Variants in RPRD2 observed in about 807,000 individuals in gnomAD.
RPRD2 encodes the protein regulation of nuclear pre-mRNA domain-containing protein 2.
In RPRD2, 12 loss-of-function variants were observed where a neutral mutation model predicts 104.4. That is an observed-to-expected ratio of 0.11 (90% CI 0.07 to 0.19). The LOEUF (loss-of-function observed/expected upper bound fraction) is 0.19, where lower values mean the gene tolerates loss of function less well. RPRD2 is among the 10% of genes least tolerant of loss of function. The pLI is 1.00. For missense variants in RPRD2, 1,543 were observed against 1,790.1 expected (o/e 0.86, Z 2.49); for synonymous variants, 714 against 684.9 (o/e 1.04, Z -0.66).
At chr1:150,385,073 G>A (rs1333731378) in intron 1 of RPRD2, among the ~76,000 whole-genome samples, 2 of 152,062 alleles carry the variant, frequency 1.3e-5, no homozygotes, top group Non-Finnish European at 2.9e-5. Context: ...AATAAATGGT[G>A]ATTGTAACAC....
intron 2 of RPRD2, among the ~76,000 whole-genome samples, chr1:150,437,054 G>T (rs998516854): frequency 6.7e-6 from 1 of 149,246 alleles, no homozygotes; most frequent in Non-Finnish European, 1.5e-5. Flanking sequence ...ATTAAAAAAA[G>T]AAAGAAAGAC....
chr1:150,473,513 T>A lies in RPRD2; in HGVS notation c.*179T>A. On this transcript the variant is annotated 3_prime_UTR_variant, in exon 11 of 11. Transcript: ENST00000369068. ...TACGTTTTACTATTCAATTCAATCC[T>A]CCCTCCCATTGCACTTATCTACCTT... is the stretch of plus-strand genomic sequence containing the variant. 1 of 207,366 alleles carries A rather than the reference T, an allele frequency of 4.8e-6. No individual in the cohort carries two copies. Among genetic ancestry groups the A allele is most frequent in the Admixed American group, 6.9e-5 (1 of 14,506 alleles). The allele number at this position is 207,366 out of a possible 1,614,324, so 12.8% of individuals were successfully genotyped here. A position where few individuals can be genotyped will look rare whatever the true frequency, so the allele number is the denominator to read the frequency against.
rs1553898559 is a variant in RPRD2 at position 150,460,256 on chromosome 1, T to C, written c.1350T>C (p.Asn450=). ...CATTGGCTTTGCCAAACCTGGCTAA[T>C]GTGGATCTGGCAAAGATCAGTTCCA... ...SPALALPNLA[N]VDLAKISSIL... The change falls in exon 9 of 11, where the codon AAT becomes AAC. Residue 450 remains asparagine (N), a synonymous_variant. Coordinates refer to ENST00000369068, the MANE Select transcript of RPRD2 (RefSeq NM_015203.5). The C allele has an allele frequency of 6.2e-7, 1 of 1,613,306 alleles. No homozygotes were observed. The highest frequency in any genetic ancestry group is 8.5e-7 in the Non-Finnish European group (1 of 1,179,656).
chr1:150,433,653 C>T (rs1665773454), intron 2 of RPRD2, among the ~76,000 whole-genome samples: 1 of 148,574 alleles, frequency 6.7e-6, no homozygotes, highest in Non-Finnish European at 1.5e-5. Context: ...ACAGTGTTAG[C>T]CAGGATGGTC....
At chr1:150,431,486 T>TGTTTGTTTGTTTTTTTG (rs1553891718) in intron 2 of RPRD2, among the ~76,000 whole-genome samples, 3 of 143,142 alleles carry the variant, frequency 2.1e-5, no homozygotes, top group African/African-American at 7.7e-5. Flanking sequence ...TTTTTTTTTT[T>TGTTTGTTTGTTTTTTTG]TTTTTTTTTT....
intron 1 of RPRD2, among the ~76,000 whole-genome samples, chr1:150,414,756 T>C (rs1664212314): frequency 6.6e-6 from 1 of 152,152 alleles, no homozygotes. Context: ...ATAAATGAGA[T>C]AACAATTTAT....
chr1:150,401,050 C>T (rs1347473193), intron 1 of RPRD2, among the ~76,000 whole-genome samples: 2 of 151,972 alleles, frequency 1.3e-5, no homozygotes, highest in African/African-American at 2.4e-5. Context: ...GTGGCGGGCA[C>T]CTGTAGTCAC....
chr1:150,390,424 G>A (rs1661977068), intron 1 of RPRD2, among the ~76,000 whole-genome samples: 1 of 152,112 alleles, frequency 6.6e-6, no homozygotes, highest in South Asian at 2.1e-4. Context: ...GCTTGAATCT[G>A]GGAGGCAGAA....
chr1:150,382,775 A>C (rs1423813220), intron 1 of RPRD2, among the ~76,000 whole-genome samples: 2 of 152,206 alleles, frequency 1.3e-5, no homozygotes, highest in Non-Finnish European at 2.9e-5. Context: ...GTTTGAGGCC[A>C]CAGTGCACCC....
chr1:150,442,982 A>G (rs1230915000), intron 4 of RPRD2, among the ~76,000 whole-genome samples: 31 of 152,262 alleles, frequency 2.0e-4, no homozygotes, highest in African/African-American at 6.5e-4. Context: ...CAATAATTCT[A>G]GGACTTTATG....
At chr1:150,433,474 T>G (rs1665752539) in intron 2 of RPRD2, among the ~76,000 whole-genome samples, 1 of 122,826 alleles carries the variant, frequency 8.1e-6, no homozygotes, top group African/African-American at 3.2e-5. Context: ...AGACGGAGTC[T>G]CGCTCTGTCA....
intron 7 of RPRD2, 139 bp from the exon 8 acceptor site, chr1:150,457,149 A>C (rs1667588887): frequency 1.1e-5 from 8 of 710,704 alleles, no homozygotes; most frequent in Non-Finnish European, 4.6e-6. Flanking sequence ...ACTTCAACCC[A>C]GGAGGCAGAG....
chr1:150,458,463 A>G (rs1472599353), intron 8 of RPRD2, among the ~76,000 whole-genome samples: 1 of 152,026 alleles, frequency 6.6e-6, no homozygotes, highest in East Asian at 1.9e-4. Context: ...CCAAAAAAAA[A>G]AAACCAGACA....
chr1:150,378,607 A>C (rs1660891545), intron 1 of RPRD2, among the ~76,000 whole-genome samples: 1 of 152,178 alleles, frequency 6.6e-6, no homozygotes, highest in Admixed American at 6.6e-5. Flanking sequence ...CAGACCATTA[A>C]ACAGATTTGC....
intron 2 of RPRD2, among the ~76,000 whole-genome samples, chr1:150,437,870 G>A (rs892878989): frequency 3.3e-5 from 5 of 151,314 alleles, no homozygotes; most frequent in Non-Finnish European, 7.4e-5. Flanking sequence ...GTGAGCCACC[G>A]TGCCCAGCCT....
At chr1:150,465,647 C>T (rs1668214142) in intron 10 of RPRD2, among the ~76,000 whole-genome samples, 1 of 152,162 alleles carries the variant, frequency 6.6e-6, no homozygotes, top group African/African-American at 2.4e-5. Context: ...CTTTCACCTA[C>T]ACCATGACAC....
At chr1:150,425,003 G>A (rs1219965068) in intron 2 of RPRD2, among the ~76,000 whole-genome samples, 1 of 152,106 alleles carries the variant, frequency 6.6e-6, no homozygotes, top group African/African-American at 2.4e-5. Flanking sequence ...GATGTCTAGA[G>A]ATACAATGGT....
chr1:150,439,220 C>A (rs1553893852), intron 2 of RPRD2, among the ~76,000 whole-genome samples: 2 of 152,164 alleles, frequency 1.3e-5, no homozygotes, highest in Non-Finnish European at 1.5e-5. Context: ...TACAAGATAA[C>A]AATTTCAGCA....
At chr1:150,381,260 C>CA (rs36036461) in intron 1 of RPRD2, among the ~76,000 whole-genome samples, 33,493 of 134,108 alleles carry the variant, frequency 0.25, 4,203 homozygotes, top group African/African-American at 0.35. Context: ...CCCATCTCTA[C>CA]AAAAAAAAAA....
Sources: gnomAD v4.1 joint callset for allele counts (sites outside exome capture counted in the v4.1 genomes callset) on GRCh38, gnomAD v4.1.1 for gene constraint, MANE v1.5 for transcripts, NCBI Gene and HGNC (gene_info 2026-07-23, HGNC 2026-07-21) for gene names.